The following GALNT17 variants were observed in gnomAD, a reference collection of about 807,000 sequenced individuals.
GALNT17 encodes the protein UDP-GalNAc:polypeptide N-acetylgalactosaminyltransferase-like 3.
GALNT17 carries 29 observed loss-of-function variants against 63.7 expected under a neutral mutation model. The observed-to-expected ratio is 0.46, with a 90% confidence interval of 0.34 to 0.62. The LOEUF is 0.62. GALNT17 is among the 20% of genes least tolerant of loss of function. GALNT17 has a pLI of 0.01. For synonymous variants in GALNT17, 305 were observed against 318.3 expected, an observed-to-expected ratio of 0.96 and a Z score of 0.45; for missense variants, 603 against 799.6, an observed-to-expected ratio of 0.75 and a Z score of 2.97.
At chr7:71,623,496 C>A (rs552268324) in intron 6 of GALNT17, among the ~76,000 whole-genome samples, 25 of 152,090 alleles carry the variant, frequency 1.6e-4, no homozygotes, top group African/African-American at 6.0e-4. Flanking sequence ...TGGCTCACTG[C>A]AACCTCTGCA....
intron 1 of GALNT17, among the ~76,000 whole-genome samples, chr7:71,175,318 C>A (rs1403148366): frequency 6.6e-6 from 1 of 152,198 alleles, no homozygotes; most frequent in Non-Finnish European, 1.5e-5. Flanking sequence ...AATTATCTAT[C>A]ATCTGTCCCT....
chr7:71,501,872 G>C (rs948644902), intron 5 of GALNT17, among the ~76,000 whole-genome samples: 1 of 152,096 alleles, frequency 6.6e-6, no homozygotes, highest in Non-Finnish European at 1.5e-5. Context: ...TCAGGAATCT[G>C]CTTGTCCTCA....
intron 6 of GALNT17, among the ~76,000 whole-genome samples, chr7:71,654,623 C>G (rs1239291448): frequency 6.6e-6 from 1 of 152,098 alleles, no homozygotes; most frequent in Non-Finnish European, 1.5e-5. Flanking sequence ...TCCCCTTAAA[C>G]AAAAATGGAC....
At chr7:71,627,104 A>G (rs1790385970) in intron 6 of GALNT17, among the ~76,000 whole-genome samples, 1 of 152,218 alleles carries the variant, frequency 6.6e-6, no homozygotes, top group Non-Finnish European at 1.5e-5. Flanking sequence ...GGTCTTCTGC[A>G]AAAAATAAAG....
At chr7:71,343,556 T>C (rs1792041603) in intron 2 of GALNT17, among the ~76,000 whole-genome samples, 1 of 152,214 alleles carries the variant, frequency 6.6e-6, no homozygotes, top group African/African-American at 2.4e-5. Context: ...TGGACAGATA[T>C]TTTAAACTTG....
chr7:71,415,501 A>C (rs964817254), intron 3 of GALNT17, among the ~76,000 whole-genome samples: 3 of 152,180 alleles, frequency 2.0e-5, no homozygotes, highest in African/African-American at 7.2e-5. Context: ...ACGTACTGTA[A>C]GAACGAGTCT....
At chr7:71,526,298 C>T (rs895201349) in intron 5 of GALNT17, among the ~76,000 whole-genome samples, 2 of 152,102 alleles carry the variant, frequency 1.3e-5, no homozygotes, top group African/African-American at 4.8e-5. Flanking sequence ...TTTTCTCTGT[C>T]AAAAACCAAT....
At chr7:71,372,260 C>T (rs1583898358) in intron 2 of GALNT17, among the ~76,000 whole-genome samples, 1 of 152,136 alleles carries the variant, frequency 6.6e-6, no homozygotes, top group Non-Finnish European at 1.5e-5. Context: ...CACCTCCCGG[C>T]CTCAAGCGAT....
intron 3 of GALNT17, among the ~76,000 whole-genome samples, chr7:71,389,549 C>T (rs1793011819): frequency 6.6e-6 from 1 of 152,102 alleles, no homozygotes; most frequent in South Asian, 2.1e-4. Flanking sequence ...TTCCACAAAG[C>T]CACTCCCTGA....
chr7:71,371,593 T>C (rs891382856), intron 2 of GALNT17, among the ~76,000 whole-genome samples: 2 of 152,236 alleles, frequency 1.3e-5, no homozygotes, highest in African/African-American at 2.4e-5. Context: ...TCTTTTAATG[T>C]TATTTTGATG....
intron 2 of GALNT17, among the ~76,000 whole-genome samples, chr7:71,351,646 A>G (rs1289227519): frequency 2.0e-5 from 3 of 152,092 alleles, no homozygotes; most frequent in Non-Finnish European, 4.4e-5. Context: ...AGCAATCTCC[A>G]AAAAGTAGGG....
At chr7:71,705,265 C>G (rs532380768) in intron 9 of GALNT17, among the ~76,000 whole-genome samples, 6 of 152,044 alleles carry the variant, frequency 3.9e-5, no homozygotes, top group African/African-American at 1.4e-4. Flanking sequence ...TGAAAAGATG[C>G]TCAACATCTT....
chr7:71,355,367 G>A (rs1399544340), intron 2 of GALNT17, among the ~76,000 whole-genome samples: 1 of 152,080 alleles, frequency 6.6e-6, no homozygotes, highest in East Asian at 1.9e-4. Flanking sequence ...CCCACTGATT[G>A]TGATATGTGG....
At chr7:71,639,261 G>A (rs1041571117) in intron 6 of GALNT17, among the ~76,000 whole-genome samples, 3 of 152,154 alleles carry the variant, frequency 2.0e-5, no homozygotes, top group African/African-American at 7.2e-5. Flanking sequence ...AAAAAAAGGA[G>A]TCAACAGATA....
At chr7:71,544,921 G>T (rs192536922) in intron 5 of GALNT17, among the ~76,000 whole-genome samples, 1 of 151,680 alleles carries the variant, frequency 6.6e-6, no homozygotes, top group East Asian at 1.9e-4. Context: ...ATTTTTCTGG[G>T]GATCAAATGC....
intron 5 of GALNT17, among the ~76,000 whole-genome samples, chr7:71,539,368 A>G (rs1489317334): frequency 1.3e-5 from 2 of 152,166 alleles, no homozygotes; most frequent in Non-Finnish European, 2.9e-5. Flanking sequence ...TTAAAAAAAT[A>G]AAATAAAGGA....
chr7:71,657,945 T>G (rs983553289), intron 6 of GALNT17, among the ~76,000 whole-genome samples: 1 of 151,894 alleles, frequency 6.6e-6, no homozygotes, highest in African/African-American at 2.4e-5. Context: ...TGCTCTGTCA[T>G]CCAGGCTGGA....
At chr7:71,180,277 C>G (rs2014091) in intron 1 of GALNT17, among the ~76,000 whole-genome samples, 1 of 151,800 alleles carries the variant, frequency 6.6e-6, no homozygotes. Flanking sequence ...TGGTGCATGC[C>G]GCCACACCTG....
intron 1 of GALNT17, among the ~76,000 whole-genome samples, chr7:71,328,783 G>T (rs942770055): frequency 6.6e-6 from 1 of 151,936 alleles, no homozygotes; most frequent in Non-Finnish European, 1.5e-5. Context: ...CTTTTTGGAG[G>T]CTGTTAAGTG....
Sources: allele counts gnomAD v4.1 joint callset (sites outside exome capture counted in the v4.1 genomes callset), GRCh38; gene constraint gnomAD v4.1.1; transcripts MANE v1.5; gene names NCBI Gene and HGNC (gene_info 2026-07-23, HGNC 2026-07-21).